The following LRMDA variants were observed in gnomAD, a reference collection of about 807,000 sequenced individuals.
LRMDA encodes the protein leucine rich melanocyte differentiation associated.
A neutral mutation model predicts 29.8 loss-of-function variants in LRMDA; 18 were observed. The observed-to-expected ratio is 0.60, with a 90% CI of 0.42 to 0.90. The LOEUF (loss-of-function observed/expected upper bound fraction) is 0.90, where lower values mean the gene tolerates loss of function less well. LRMDA is among the 40% of genes least tolerant of loss of function. The pLI is 0.00. For synonymous variants in LRMDA, 125 were observed against 109.4 expected (o/e 1.14, Z -0.89); for missense variants, 273 against 273.9 (o/e 1.00, Z 0.02).
chr10:75,763,698 ATT>A (rs58980040), intron 2 of LRMDA, among the ~76,000 whole-genome samples: 13,093 of 141,818 alleles, frequency 0.092, 1,237 homozygotes, highest in East Asian at 0.38. Context: ...AATCAGGACA[ATT>A]TTTTTTTTTT....
At chr10:75,697,179 TGCCCATAATATATACCTG>T (rs1842245373) in intron 2 of LRMDA, among the ~76,000 whole-genome samples, 1 of 152,204 alleles carries the variant, frequency 6.6e-6, no homozygotes, top group Admixed American at 6.5e-5. Context: ...TTGATTTTTT[TGCCCATAATATATACCTG>T]GCCCCCTTTA....
chr10:76,148,168 G>T (rs11001637), intron 5 of LRMDA, among the ~76,000 whole-genome samples: 3,090 of 152,294 alleles, frequency 0.02, 117 homozygotes, highest in African/African-American at 0.07. Context: ...TCTGTTCTCA[G>T]ATCTCAAGCT....
intron 5 of LRMDA, among the ~76,000 whole-genome samples, chr10:76,207,207 G>A (rs1468269419): frequency 1.3e-5 from 2 of 152,276 alleles, no homozygotes; most frequent in South Asian, 2.1e-4. Flanking sequence ...CAAAACACTT[G>A]CTCTGAACAG....
chr10:76,302,082 G>T (rs1165290911), intron 5 of LRMDA, among the ~76,000 whole-genome samples: 1 of 152,204 alleles, frequency 6.6e-6, no homozygotes, highest in African/African-American at 2.4e-5. Context: ...TGCATATTGA[G>T]AACTGGTGCG....
chr10:76,018,792 T>C (rs1483686204), intron 2 of LRMDA, among the ~76,000 whole-genome samples: 2 of 152,142 alleles, frequency 1.3e-5, no homozygotes, highest in African/African-American at 4.8e-5. Flanking sequence ...GGTCTTGATC[T>C]CTTTACCTCG....
intron 2 of LRMDA, among the ~76,000 whole-genome samples, chr10:75,864,921 T>C (rs1844995948): frequency 6.6e-6 from 1 of 152,194 alleles, no homozygotes; most frequent in East Asian, 1.9e-4. Flanking sequence ...GAATTAGAGA[T>C]CATCACAGGA....
chr10:76,329,707 A>G (rs1840881117), intron 6 of LRMDA, among the ~76,000 whole-genome samples: 1 of 152,224 alleles, frequency 6.6e-6, no homozygotes. Context: ...GCAACTTATT[A>G]TAATTAGTTA....
intron 5 of LRMDA, among the ~76,000 whole-genome samples, chr10:76,059,925 CA>C (rs1300017670): frequency 6.6e-6 from 1 of 152,174 alleles, no homozygotes; most frequent in African/African-American, 2.4e-5. Context: ...CCTCTTTCAG[CA>C]TGTGGGAAAT....
intron 1 of LRMDA, among the ~76,000 whole-genome samples, chr10:75,437,843 G>A (rs1431077678): frequency 2.0e-5 from 3 of 152,168 alleles, no homozygotes; most frequent in South Asian, 4.1e-4. Flanking sequence ...GCTTTGTTTG[G>A]GTGTGGAGGG....
chr10:76,076,480 TAG>T (rs1315812829), intron 5 of LRMDA, among the ~76,000 whole-genome samples: 3 of 152,144 alleles, frequency 2.0e-5, no homozygotes, highest in African/African-American at 7.2e-5. Flanking sequence ...AATGTGAAGA[TAG>T]AGAGTGGGAA....
intron 2 of LRMDA, among the ~76,000 whole-genome samples, chr10:75,932,394 C>T (rs1846220043): frequency 6.6e-6 from 1 of 152,138 alleles, no homozygotes; most frequent in South Asian, 2.1e-4. Flanking sequence ...AGGAGGACAG[C>T]CTGAGGCCAG....
At chr10:76,070,925 G>A (rs770880866) in intron 5 of LRMDA, among the ~76,000 whole-genome samples, 2 of 152,130 alleles carry the variant, frequency 1.3e-5, no homozygotes, top group Non-Finnish European at 2.9e-5. Context: ...AGCATGGCGT[G>A]GGGGACGGGA....
intron 2 of LRMDA, among the ~76,000 whole-genome samples, chr10:75,664,560 C>G (rs967625355): frequency 6.6e-6 from 1 of 152,098 alleles, no homozygotes; most frequent in Non-Finnish European, 1.5e-5. Flanking sequence ...TTAGGAGTCT[C>G]TAGGAGCTCC....
chr10:76,524,664 C>A (rs1843155933), intron 6 of LRMDA, among the ~76,000 whole-genome samples: 1 of 152,178 alleles, frequency 6.6e-6, no homozygotes, highest in South Asian at 2.1e-4. Context: ...TTCGAATAAC[C>A]ATGTGTTCTC....
At chr10:75,894,329 T>G (rs1379563666) in intron 2 of LRMDA, among the ~76,000 whole-genome samples, 1 of 152,236 alleles carries the variant, frequency 6.6e-6, no homozygotes, top group Non-Finnish European at 1.5e-5. Flanking sequence ...GTCTCCAATC[T>G]CATCCAGGTC....
chr10:76,434,748 A>G (rs927617127), intron 6 of LRMDA, among the ~76,000 whole-genome samples: 2 of 152,162 alleles, frequency 1.3e-5, no homozygotes, highest in African/African-American at 4.8e-5. Context: ...GAAAAATAAA[A>G]CCAGTGCTGG....
intron 6 of LRMDA, among the ~76,000 whole-genome samples, chr10:76,455,645 T>A (rs1169769831): frequency 6.6e-6 from 1 of 152,154 alleles, no homozygotes; most frequent in African/African-American, 2.4e-5. Flanking sequence ...GCAAATCTTA[T>A]CACTTCTCTG....
intron 5 of LRMDA, among the ~76,000 whole-genome samples, chr10:76,059,759 C>G (rs956518604): frequency 1.3e-5 from 2 of 152,232 alleles, no homozygotes; most frequent in African/African-American, 4.8e-5. Flanking sequence ...GAAACATCTT[C>G]CATCAAGTTG....
intron 2 of LRMDA, among the ~76,000 whole-genome samples, chr10:75,495,367 G>A (rs1845032411): frequency 6.7e-6 from 1 of 150,268 alleles, no homozygotes; most frequent in Admixed American, 6.6e-5. Flanking sequence ...GGTTTCCCTT[G>A]ATGTTTGTTT....
Sources: allele counts gnomAD v4.1 joint callset (sites outside exome capture counted in the v4.1 genomes callset), GRCh38; gene constraint gnomAD v4.1.1; transcripts MANE v1.5; gene names NCBI Gene and HGNC (gene_info 2026-07-23, HGNC 2026-07-21).